SYCP1: variants seen among roughly 807,000 people sequenced by gnomAD.
SYCP1 encodes the protein synaptonemal complex protein 1.
Under a neutral mutation model 153.1 loss-of-function variants are expected in SYCP1, and 64 were observed. That is an observed-to-expected ratio of 0.42 (90% confidence interval 0.34 to 0.51). The LOEUF (loss-of-function observed/expected upper bound fraction) is 0.51. Among genes scored for constraint, SYCP1 ranks in the 20% least tolerant of loss-of-function variants. The pLI is 0.06. For synonymous variants in SYCP1, 384 were observed against 341.8 expected, an observed-to-expected ratio of 1.12 and a Z score of -1.36; for missense variants, 997 against 1,049.0, an observed-to-expected ratio of 0.95 and a Z score of 0.68.
intron 16 of SYCP1, among the ~76,000 whole-genome samples, chr1:114,899,076 C>T (rs956767185): frequency 6.6e-6 from 1 of 152,192 alleles, no homozygotes; most frequent in South Asian, 2.1e-4. Context: ...GGGAAGCATA[C>T]CCTTCCAGTC....
intron 27 of SYCP1, among the ~76,000 whole-genome samples, chr1:114,972,432 A>T (rs1672553580): frequency 6.6e-6 from 1 of 151,074 alleles, no homozygotes; most frequent in Non-Finnish European, 1.5e-5. Flanking sequence ...TCTGATCTTT[A>T]TTGTTTCTTC....
At chr1:114,939,630 G>T (rs967204718) in intron 23 of SYCP1, among the ~76,000 whole-genome samples, 14 of 152,196 alleles carry the variant, frequency 9.2e-5, no homozygotes, top group African/African-American at 3.4e-4. Context: ...TGCCTCAGTG[G>T]GGTACTATTA....
intron 30 of SYCP1, among the ~76,000 whole-genome samples, chr1:114,988,231 G>C (rs1345998861): frequency 2.0e-5 from 3 of 151,654 alleles, no homozygotes; most frequent in Non-Finnish European, 4.4e-5. Context: ...TAGACAGAGA[G>C]AGAAAAAGAG....
At chr1:114,987,076 CTTTTTTT>C (rs113910066) in intron 30 of SYCP1, among the ~76,000 whole-genome samples, 2 of 145,122 alleles carry the variant, frequency 1.4e-5, no homozygotes, top group South Asian at 2.2e-4. Context: ...GCACATCTAT[CTTTTTTT>C]TTTTTTCCTT....
chr1:114,967,174 T>C (rs1281081181), intron 27 of SYCP1, among the ~76,000 whole-genome samples: 1 of 152,236 alleles, frequency 6.6e-6, no homozygotes, highest in African/African-American at 2.4e-5. Flanking sequence ...GAGAGTTCTG[T>C]AGATGTCTAT....
intron 29 of SYCP1, among the ~76,000 whole-genome samples, chr1:114,983,392 A>C (rs990078131): frequency 3.9e-5 from 6 of 152,056 alleles, no homozygotes; most frequent in Middle Eastern, 3.4e-3. Flanking sequence ...TGTTTTTGAC[A>C]AATTCTGCCC....
chr1:114,957,813 G>A (rs1402692406), intron 27 of SYCP1, among the ~76,000 whole-genome samples: 1 of 152,116 alleles, frequency 6.6e-6, no homozygotes, highest in Non-Finnish European at 1.5e-5. Flanking sequence ...GGAACAAAGG[G>A]AACCCTTGTT....
intron 20 of SYCP1, among the ~76,000 whole-genome samples, chr1:114,922,343 C>A (rs1298922038): frequency 1.3e-5 from 2 of 151,976 alleles, no homozygotes; most frequent in African/African-American, 4.8e-5. Flanking sequence ...TAAAGAAATA[C>A]CTGAGACTGG....
intron 27 of SYCP1, among the ~76,000 whole-genome samples, chr1:114,970,575 G>A (rs549751088): frequency 1.3e-5 from 2 of 152,022 alleles, no homozygotes; most frequent in Non-Finnish European, 2.9e-5. Context: ...AAGGGCTGCT[G>A]TTCAGATTCT....
At chr1:114,974,372 C>T (rs1194982529) in intron 27 of SYCP1, among the ~76,000 whole-genome samples, 1 of 151,852 alleles carries the variant, frequency 6.6e-6, no homozygotes, top group Non-Finnish European at 1.5e-5. Flanking sequence ...ACATTAAGTG[C>T]ACCATCTTAA....
intron 16 of SYCP1, among the ~76,000 whole-genome samples, chr1:114,899,577 T>C (rs1223931234): frequency 6.6e-6 from 1 of 152,174 alleles, no homozygotes; most frequent in African/African-American, 2.4e-5. Context: ...AAGACAACAA[T>C]TGTCTGTGAA....
At chr1:114,966,174 G>T (rs1672114750) in intron 27 of SYCP1, among the ~76,000 whole-genome samples, 1 of 152,064 alleles carries the variant, frequency 6.6e-6, no homozygotes. Flanking sequence ...CTGTTTCTGT[G>T]GGATCAGTGG....
intron 16 of SYCP1, among the ~76,000 whole-genome samples, chr1:114,903,723 A>G (rs77242261): frequency 6.6e-6 from 1 of 152,318 alleles, no homozygotes; most frequent in Non-Finnish European, 1.5e-5. Flanking sequence ...AAGGCAGAAC[A>G]GTTAAGAGTA....
intron 23 of SYCP1, among the ~76,000 whole-genome samples, chr1:114,932,973 G>A (rs1257837529): frequency 6.6e-6 from 1 of 152,208 alleles, no homozygotes; most frequent in Non-Finnish European, 1.5e-5. Flanking sequence ...CTGGGGGCAG[G>A]GCGTAGCTGA....
At chr1:114,893,676 G>A (rs561893942) in intron 15 of SYCP1, among the ~76,000 whole-genome samples, 1 of 151,844 alleles carries the variant, frequency 6.6e-6, no homozygotes, top group Non-Finnish European at 1.5e-5. Flanking sequence ...GTACCTGATT[G>A]TTGACTCTCT....
intron 23 of SYCP1, among the ~76,000 whole-genome samples, chr1:114,935,047 C>G (rs1442142346): frequency 1.3e-5 from 2 of 152,152 alleles, no homozygotes; most frequent in East Asian, 1.9e-4. Flanking sequence ...CAGCTCTGCA[C>G]CAAGCCGACC....
At chr1:114,885,261 C>T (rs1666216319) in intron 12 of SYCP1, among the ~76,000 whole-genome samples, 1 of 151,984 alleles carries the variant, frequency 6.6e-6, no homozygotes, top group Admixed American at 6.6e-5. Flanking sequence ...CATAATTTGT[C>T]TACTTTTGGA....
chr1:114,941,451 C>G (rs1233073551), intron 23 of SYCP1, among the ~76,000 whole-genome samples: 10 of 152,036 alleles, frequency 6.6e-5, no homozygotes, highest in African/African-American at 2.2e-4. Context: ...CTCTTATCCT[C>G]TATCTTTATG....
intron 19 of SYCP1, 23 bp downstream of exon 19, chr1:114,913,173 G>A: frequency 1.3e-6 from 2 of 1,577,886 alleles, no homozygotes; most frequent in South Asian, 2.2e-5. Context: ...AGAAAGTGCT[G>A]GTGACTTAGT....
Sources: allele counts gnomAD v4.1 joint callset (sites outside exome capture counted in the v4.1 genomes callset), GRCh38; gene constraint gnomAD v4.1.1; transcripts MANE v1.5; gene names NCBI Gene and HGNC (gene_info 2026-07-23, HGNC 2026-07-21).